The following CDC123 variants were observed in gnomAD, a reference collection of about 807,000 sequenced individuals.
CDC123 encodes the protein cell division cycle 123.
A neutral mutation model predicts 54.4 loss-of-function variants in CDC123; 37 were observed. The ratio of observed to expected loss-of-function variants is 0.68; its 90% CI spans 0.52 to 0.89. The LOEUF (loss-of-function observed/expected upper bound fraction) is 0.89. CDC123 is among the 40% of genes least tolerant of loss of function. The probability of loss-of-function intolerance (pLI) is 0.00; values close to 1 mark genes in which losing one functional copy is unlikely to be tolerated. For missense variants in CDC123, 361 were observed against 412.1 expected, an observed-to-expected ratio of 0.88 and a Z score of 1.07; for synonymous variants, 144 against 136.8, an observed-to-expected ratio of 1.05 and a Z score of -0.37.
chr10:12,235,320 C>T (rs1482021411), intron 8 of CDC123, among the ~76,000 whole-genome samples, 197 bp downstream of exon 8: 2 of 152,076 alleles, frequency 1.3e-5, no homozygotes, highest in Non-Finnish European at 2.9e-5. Context: ...AGTCACTTGC[C>T]GCAGGAAACG....
chr10:12,208,792 G>C (rs916773978), intron 2 of CDC123, among the ~76,000 whole-genome samples: 1 of 152,118 alleles, frequency 6.6e-6, no homozygotes, highest in African/African-American at 2.4e-5. Context: ...TTCTGCTCCC[G>C]CCAGTCCAAC....
chr10:12,226,747 G>T (rs1049482509), intron 6 of CDC123, among the ~76,000 whole-genome samples: 1 of 151,644 alleles, frequency 6.6e-6, no homozygotes, highest in African/African-American at 2.4e-5. Flanking sequence ...TGGCGGCCGG[G>T]AAGAGGTGCT....
chr10:12,220,174 T>C (rs927714867), intron 6 of CDC123, among the ~76,000 whole-genome samples: 2 of 152,140 alleles, frequency 1.3e-5, no homozygotes, highest in Non-Finnish European at 2.9e-5. Flanking sequence ...TTGCAGTGAG[T>C]GTGGGAAGAC....
rs371961966 is a variant in CDC123, at chr10:12,213,141, T to A, written c.238-2599T>A. On this transcript the variant is annotated intron_variant, in intron 4 of 12. Transcript: ENST00000281141. ...AGATGCTAAAATTAGTGGGTGAATA[T>A]ACAGTGAGAAAGAGGATAGTTCCAT... Among the ~76,000 whole-genome samples, 144 of 152,346 alleles carry A rather than the reference T, an allele frequency of 9.5e-4. No individual in the cohort carries two copies. In the South Asian group the frequency reaches 0.029, roughly 31 times the overall value.
At chr10:12,230,872 A>C (rs1290665895) in intron 6 of CDC123, 76 bp from the exon 7 acceptor site, 3 of 1,346,220 alleles carry the variant, frequency 2.2e-6, no homozygotes, top group Admixed American at 4.2e-5. Context: ...CTCTCATGTT[A>C]AATATATGTT....
intron 4 of CDC123, among the ~76,000 whole-genome samples, chr10:12,212,567 G>C (rs954992219): frequency 6.6e-6 from 1 of 152,086 alleles, no homozygotes; most frequent in Non-Finnish European, 1.5e-5. Flanking sequence ...CAAACTTCTG[G>C]GCTCAAGTGA....
At position 12,230,987 on chromosome 10, in the gene CDC123, A is replaced by G. The variant is rs374042519; in HGVS notation, c.480A>G (p.Ile160Met). Reference sequence around the variant, plus strand: ...CTGATGATTCTCCAGATCCATGTATAGAATATGAGGTAAGAAGCTTATTTT... The same window carrying G: ...CTGATGATTCTCCAGATCCATGTATGGAATATGAGGTAAGAAGCTTATTTT... ...HCTDDSPDPC[I>M]EYELVLRKWC... Residue 160 changes from isoleucine (I) to methionine (M), a missense_variant, in exon 7 of 13, where the codon ATA becomes ATG. Physicochemically the swap from Ile to Met is conservative, Grantham distance 10 (BLOSUM62 1). Transcript: ENST00000281141. 6.8e-6 allele frequency: 11 copies of G among 1,610,338 alleles called. No homozygotes were observed. In the African/African-American group the frequency reaches 1.3e-4, roughly 20 times the overall value.
At chr10:12,216,331 A>G (rs1327145477) in intron 5 of CDC123, among the ~76,000 whole-genome samples, 2 of 152,232 alleles carry the variant, frequency 1.3e-5, no homozygotes, top group Non-Finnish European at 1.5e-5. Context: ...AATCCAATAG[A>G]AAACAGTTTT....
intron 2 of CDC123, among the ~76,000 whole-genome samples, chr10:12,206,884 G>A (rs531275275): frequency 6.6e-5 from 10 of 151,268 alleles, no homozygotes; most frequent in East Asian, 1.9e-4. Context: ...GCCTGAACCC[G>A]GGAGGTAGAC....
intron 5 of CDC123, among the ~76,000 whole-genome samples, chr10:12,216,053 C>G (rs1053067869): frequency 1.3e-5 from 2 of 152,134 alleles, no homozygotes; most frequent in Non-Finnish European, 2.9e-5. Flanking sequence ...AAGGTAGTTT[C>G]CACGTCTTGT....
intron 7 of CDC123, among the ~76,000 whole-genome samples, chr10:12,233,532 A>G (rs140511233): frequency 1.3e-5 from 2 of 152,240 alleles, no homozygotes; most frequent in Admixed American, 1.3e-4. Flanking sequence ...AAATTTTCCA[A>G]TAAATTGTGT....
At chr10:12,214,567 G>A (rs1835640550) in intron 4 of CDC123, among the ~76,000 whole-genome samples, 1 of 152,194 alleles carries the variant, frequency 6.6e-6, no homozygotes, top group Non-Finnish European at 1.5e-5. Flanking sequence ...AAGAAAGGCA[G>A]CCTAATTGGA....
intron 4 of CDC123, among the ~76,000 whole-genome samples, chr10:12,213,587 C>T (rs188563709): frequency 5.3e-5 from 8 of 151,072 alleles, no homozygotes; most frequent in East Asian, 3.9e-4. Flanking sequence ...CTGTAGAAGA[C>T]GTTACTAGGA....
At chr10:12,203,203 G>A (rs1835466293) in intron 2 of CDC123, among the ~76,000 whole-genome samples, 1 of 152,188 alleles carries the variant, frequency 6.6e-6, no homozygotes, top group Non-Finnish European at 1.5e-5. Context: ...AGATGGCTGT[G>A]GAGGTCTGCC....
chr10:12,231,540 G>A (rs1835902023), intron 7 of CDC123, among the ~76,000 whole-genome samples: 1 of 149,778 alleles, frequency 6.7e-6, no homozygotes, highest in East Asian at 2.0e-4. Context: ...CTGAAGAATC[G>A]CTTGAACCCG....
intron 10 of CDC123, among the ~76,000 whole-genome samples, chr10:12,241,003 C>T (rs974073434): frequency 3.9e-5 from 6 of 152,140 alleles, no homozygotes; most frequent in African/African-American, 7.2e-5. Context: ...AGTTTACCCT[C>T]GGTAGAGGTT....
intron 10 of CDC123, chr10:12,244,628 GTTTTTTTTTTTTCTTTTTTCT>G (rs1564259937): frequency 7.2e-6 from 1 of 139,826 alleles, no homozygotes; most frequent in East Asian, 2.1e-4. Context: ...GGTTGGGGTG[GTTTTTTTTTTTTCTTTTTTCT>G]TTTTTTTTTT....
Position 12,246,350 on chromosome 10 carries a change from A to G in CDC123, c.846+73A>G, listed in dbSNP as rs1836137554. On this transcript the variant is annotated intron_variant, in intron 11 of 12. Transcript: ENST00000281141. ...GACTGACTGCTTGTTCTTCAGACGCATAGGTAGGCGGCAATGGCCAGGACC... is the reference window on the plus strand; with the variant it reads ...GACTGACTGCTTGTTCTTCAGACGCGTAGGTAGGCGGCAATGGCCAGGACC... 1.3e-5 allele frequency: 21 copies of G among 1,557,138 alleles called. No homozygotes were observed. The South Asian group carries it at 1.8e-4, about 14-fold the overall frequency.
At chr10:12,202,702 G>C (rs1431851343) in intron 2 of CDC123, among the ~76,000 whole-genome samples, 1 of 152,184 alleles carries the variant, frequency 6.6e-6, no homozygotes, top group Non-Finnish European at 1.5e-5. Context: ...CATTTACTTC[G>C]GTTTACCGGT....
Sources: gnomAD v4.1 joint callset for allele counts (sites outside exome capture counted in the v4.1 genomes callset) on GRCh38, gnomAD v4.1.1 for gene constraint, MANE v1.5 for transcripts, NCBI Gene and HGNC (gene_info 2026-07-23, HGNC 2026-07-21) for gene names.